The following DRC12 variants were observed in gnomAD, a reference collection of about 807,000 sequenced individuals.
DRC12 encodes dynein regulatory complex subunit 12 homolog.
At chr11:119,190,259 T>G in the DRC12 span, 1 of 1,611,418 alleles carries the variant, frequency 6.2e-7, no homozygotes, top group Non-Finnish European at 8.5e-7. The surrounding 1 kb of genome is among the most constrained non-coding windows in gnomAD (Gnocchi z 4.2). Context: ...CTCTATTGAG[T>G]TCTACATCAA....
the DRC12 span, chr11:119,195,561 G>C: frequency 8.2e-7 from 1 of 1,222,886 alleles, no homozygotes; most frequent in Admixed American, 2.0e-5. Flanking sequence ...CTGAGCTTTA[G>C]ACTGAACCAG....
the DRC12 span, chr11:119,193,155 C>T: frequency 1.2e-6 from 2 of 1,613,898 alleles, no homozygotes; most frequent in East Asian, 2.2e-5. Flanking sequence ...ACCTACCTAG[C>T]TGCCCCCGAA....
chr11:119,195,332 G>T, the DRC12 span: 2 of 1,191,346 alleles, frequency 1.7e-6, no homozygotes, highest in Non-Finnish European at 2.4e-6. Flanking sequence ...ATCCTGTCCT[G>T]CAGAAGGCTG....
the DRC12 span, chr11:119,195,078 C>T: frequency 1.6e-6 from 2 of 1,214,130 alleles, no homozygotes; most frequent in African/African-American, 3.0e-5. Context: ...ACACCCTGCA[C>T]TTTTGCCACA....
the DRC12 span, chr11:119,194,799 T>A: frequency 5.7e-5 from 32 of 559,494 alleles, no homozygotes; most frequent in Non-Finnish European, 7.8e-5. Context: ...CTTTTTCCAC[T>A]AGGGGATGGT....
At chr11:119,195,491 C>T in the DRC12 span, 60 of 1,550,950 alleles carry the variant, frequency 3.9e-5, no homozygotes, top group Non-Finnish European at 5.0e-5. Context: ...GTGGCATCTC[C>T]TTGCTGTCCT....
At chr11:119,195,069 C>T in the DRC12 span, 4 of 1,294,664 alleles carry the variant, frequency 3.1e-6, no homozygotes, top group South Asian at 2.6e-5. Context: ...CCTCACCCCA[C>T]ACCCTGCACT....
the DRC12 span, among the ~76,000 whole-genome samples, chr11:119,194,429 G>A: frequency 2.0e-4 from 28 of 136,884 alleles, no homozygotes; most frequent in African/African-American, 6.8e-4. Context: ...CAGGAGAATC[G>A]CTTGAACCTG....
chr11:119,193,343 TG>T, the DRC12 span: 3 of 1,045,148 alleles, frequency 2.9e-6, no homozygotes, highest in Non-Finnish European at 4.4e-6. Flanking sequence ...CTTGGTCTAG[TG>T]GAACAGGAGC....
the DRC12 span, chr11:119,190,923 C>A: frequency 1.3e-6 from 2 of 1,501,446 alleles, no homozygotes; most frequent in Non-Finnish European, 1.8e-6. The surrounding 1 kb of genome is among the most constrained non-coding windows in gnomAD (Gnocchi z 4.2). Context: ...GGAAAGGAGA[C>A]CTCAAATGGG....
At chr11:119,195,176 G>T in the DRC12 span, 1 of 631,100 alleles carries the variant, frequency 1.6e-6, no homozygotes, top group Non-Finnish European at 2.8e-6. Context: ...GCACATAACA[G>T]ATATGCAAAA....
chr11:119,190,876 G>T, the DRC12 span: 2 of 1,600,290 alleles, frequency 1.2e-6, no homozygotes, highest in Non-Finnish European at 1.7e-6. This position sits in a 1 kb window ranked among gnomAD's most constrained non-coding sequence, Gnocchi z 4.2. Flanking sequence ...GCAGGATGGT[G>T]ACACTCTATC....
At chr11:119,190,335 G>A in the DRC12 span, 7 of 1,614,140 alleles carry the variant, frequency 4.3e-6, no homozygotes, top group Middle Eastern at 1.6e-4. The surrounding 1 kb of genome is among the most constrained non-coding windows in gnomAD (Gnocchi z 4.2). Context: ...AAAGATCCAG[G>A]GGGGGTGAGT....
the DRC12 span, among the ~76,000 whole-genome samples, chr11:119,194,767 AC>A: frequency 0.046 from 13 of 282 alleles, no homozygotes; most frequent in Non-Finnish European, 0.011. Flanking sequence ...ATCAACTCTC[AC>A]TGCCCACCCT....
the DRC12 span, chr11:119,195,465 TTTTC>T: frequency 5.8e-6 from 9 of 1,551,320 alleles, no homozygotes; most frequent in Non-Finnish European, 7.8e-6. Context: ...TTTCTTCCCT[TTTTC>T]TTTGTTTTTA....
At chr11:119,195,102 C>T in the DRC12 span, 1 of 902,126 alleles carries the variant, frequency 1.1e-6, no homozygotes, top group Admixed American at 2.2e-5. Flanking sequence ...GACCTGAGGA[C>T]CACTAAATGA....
At chr11:119,190,975 C>G in the DRC12 span, 1 of 1,075,274 alleles carries the variant, frequency 9.3e-7, no homozygotes, top group African/African-American at 1.6e-5. The surrounding 1 kb of genome is among the most constrained non-coding windows in gnomAD (Gnocchi z 4.2). Context: ...TTCCCGCAGT[C>G]CCTGTAAAAG....
chr11:119,193,591 C>G, the DRC12 span: 1 of 1,436,640 alleles, frequency 7.0e-7, no homozygotes, highest in African/African-American at 1.4e-5. Context: ...TCCCAGGAAC[C>G]TACCTGCCTT....
At chr11:119,194,959 C>A in the DRC12 span, 12 of 1,551,592 alleles carry the variant, frequency 7.7e-6, no homozygotes, top group Non-Finnish European at 1.0e-5. Flanking sequence ...TCCAGCACCA[C>A]CAGCCTGTGC....
Sources: allele counts gnomAD v4.1 joint callset (sites outside exome capture counted in the v4.1 genomes callset), GRCh38; gene constraint gnomAD v4.1.1; non-coding constraint Gnocchi (gnomAD v3.1); transcripts MANE v1.5; gene names NCBI Gene and HGNC (gene_info 2026-07-23, HGNC 2026-07-21).